Variants in CCN4 observed in about 807,000 individuals in gnomAD.
CCN4 encodes the protein CCN family member 4.
In CCN4, 30 loss-of-function variants were observed where a neutral mutation model predicts 36.7. The observed-to-expected ratio is 0.82, with a 90% CI of 0.61 to 1.11. CCN4 has a LOEUF of 1.11. Ranked by LOEUF, CCN4 falls within the 50% of genes least tolerant of loss-of-function variation. CCN4 has a pLI of 0.00. For synonymous variants in CCN4, 191 were observed against 195.4 expected (o/e 0.98, Z 0.19); for missense variants, 505 against 504.9 (o/e 1.00, Z 0.00).
chr8:133,210,991 C>T (rs1310096624), intron 1 of CCN4, among the ~76,000 whole-genome samples: 2 of 152,288 alleles, frequency 1.3e-5, no homozygotes, highest in East Asian at 3.9e-4. Context: ...GAGATGAAAG[C>T]TTCAAGTCGG....
chr8:133,195,201 GTGTGTATGGTGTGTGTA>G (rs1853333101), intron 1 of CCN4, among the ~76,000 whole-genome samples: 3 of 148,494 alleles, frequency 2.0e-5, no homozygotes, highest in African/African-American at 5.0e-5. Flanking sequence ...TGTGTGTGGT[GTGTGTATGGTGTGTGTA>G]TGTGTGTGGT....
chr8:133,197,848 G>A lies in CCN4; in HGVS notation c.69+6635G>A, dbSNP rs1014339316. Among the ~76,000 whole-genome samples, 4 of 152,152 alleles carry A rather than the reference G, an allele frequency of 2.6e-5. No individual in the cohort carries two copies. The East Asian group carries it at 7.7e-4, about 29-fold the overall frequency. On this transcript the variant is annotated intron_variant, in intron 1 of 4. Transcript: ENST00000250160. ...CTCTAGGAATCCTGCTCTGAGTCTGGGAGTGGAGAAAGGCATGTGTGCTAT... is the reference window on the plus strand; with the variant it reads ...CTCTAGGAATCCTGCTCTGAGTCTGAGAGTGGAGAAAGGCATGTGTGCTAT...
chr8:133,216,052 A>G (rs1854310523), intron 2 of CCN4, among the ~76,000 whole-genome samples: 1 of 152,128 alleles, frequency 6.6e-6, no homozygotes, highest in African/African-American at 2.4e-5. Context: ...ATGTGCCCAC[A>G]CATGCACAAA....
rs1488941482 is a variant in CCN4 at position 133,228,372 on chromosome 8, G to C, written c.*662G>C. On this transcript the variant is annotated 3_prime_UTR_variant, in exon 5 of 5. Coordinates refer to ENST00000250160, the MANE Select transcript of CCN4 (RefSeq NM_003882.4). ...AAGGGTACAGATTAGGTTTGTCCCA[G>C]TCAGAAATAAAATTTGATAAACATT... The C allele has an allele frequency of 6.6e-6, 1 of 152,230 alleles. No homozygotes were observed. The highest frequency in any genetic ancestry group is 1.5e-5 in the Non-Finnish European group (1 of 68,050). The allele number at this position is 152,230 out of a possible 1,614,324, so 9.4% of individuals were successfully genotyped here.
rs376294425 is a variant in CCN4 at position 133,194,550 on chromosome 8, G to A, written c.69+3337G>A. 1.3e-4 allele frequency among the ~76,000 whole-genome samples: 12 copies of A among 93,252 alleles called. No homozygotes were observed. In the East Asian group the frequency reaches 4.7e-3, roughly 36 times the overall value. 61.2% of individuals were successfully genotyped at this position (93,252 alleles called of 152,430 possible). ...GGGGTGTGTGTGGTGTGTATGTGGT[G>A]TGTGTGGGGGGGTGGTGGTATGGAG... On this transcript the variant is annotated intron_variant, in intron 1 of 4. Coordinates refer to ENST00000250160, the MANE Select transcript of CCN4 (RefSeq NM_003882.4).
chr8:133,215,401 C>CTT (rs1854283303), intron 2 of CCN4, among the ~76,000 whole-genome samples: 1 of 152,186 alleles, frequency 6.6e-6, no homozygotes, highest in Admixed American at 6.5e-5. Context: ...GAGCTTGTCT[C>CTT]ATAATTTATT....
rs78133559 is a variant in CCN4 at position 133,198,993 on chromosome 8, C to A, written c.69+7780C>A. Among the ~76,000 whole-genome samples, 1,009 of 152,348 alleles carry A rather than the reference C, an allele frequency of 6.6e-3. 9 individuals are homozygous for A. The highest frequency in any genetic ancestry group is 0.023 in the African/African-American group (967 of 41,578). On this transcript the variant is annotated intron_variant, in intron 1 of 4. Coordinates refer to ENST00000250160, the MANE Select transcript of CCN4 (RefSeq NM_003882.4). Reference sequence around the variant, plus strand: ...TGATAGGATGAATTAAAGCAAGAACCAGACCTGGCATAGGCTGGGGAGAAT... The same window carrying A: ...TGATAGGATGAATTAAAGCAAGAACAAGACCTGGCATAGGCTGGGGAGAAT...
rs1273210714 is a variant in CCN4 at position 133,229,891 on chromosome 8, TC to T, written c.*2183del. The T allele has an allele frequency of 2.0e-5, 3 of 152,234 alleles. No individual in the cohort carries two copies. Among genetic ancestry groups the T allele is most frequent in the African/African-American group, 7.2e-5 (3 of 41,468 alleles). The allele number at this position is 152,234 out of a possible 1,614,324, so 9.4% of individuals were successfully genotyped here. Reference sequence around the variant, plus strand: ...GAATTCTTGTATAAAGAGAATTCACTCCATGAATGATCTCTTCTGTAAGTCA... The same window carrying T: ...GAATTCTTGTATAAAGAGAATTCACTCATGAATGATCTCTTCTGTAAGTCA... On this transcript the variant is annotated 3_prime_UTR_variant, in exon 5 of 5. Coordinates refer to ENST00000250160, the MANE Select transcript of CCN4 (RefSeq NM_003882.4).
chr8:133,222,780 G>A (rs953798998), intron 3 of CCN4, among the ~76,000 whole-genome samples: 24 of 151,006 alleles, frequency 1.6e-4, no homozygotes, highest in African/African-American at 5.4e-4. Flanking sequence ...AATAGAGTGG[G>A]AGTTCTAAGA....
At chr8:133,225,837 C>G (rs1300249072) in intron 4 of CCN4, among the ~76,000 whole-genome samples, 2 of 152,126 alleles carry the variant, frequency 1.3e-5, no homozygotes, top group African/African-American at 4.8e-5. Context: ...CTCAGAGACC[C>G]TCAGGAGTGG....
chr8:133,209,721 A>C (rs547647465), intron 1 of CCN4, among the ~76,000 whole-genome samples: 8 of 152,100 alleles, frequency 5.3e-5, no homozygotes, highest in Non-Finnish European at 1.2e-4. Flanking sequence ...CAGATCCCCA[A>C]CTCTGTTCTG....
intron 1 of CCN4, among the ~76,000 whole-genome samples, chr8:133,199,098 A>G (rs1374091295): frequency 6.6e-6 from 1 of 152,152 alleles, no homozygotes; most frequent in African/African-American, 2.4e-5. Flanking sequence ...TGGGGAGGAA[A>G]AGGAGGGAAT....
intron 1 of CCN4, among the ~76,000 whole-genome samples, chr8:133,201,271 G>T (rs1033378032): frequency 2.0e-5 from 3 of 152,152 alleles, no homozygotes; most frequent in Non-Finnish European, 4.4e-5. Context: ...ACAGCAGCCT[G>T]CCTCTTAGGA....
At chr8:133,217,173 T>C (rs1268552760) in intron 2 of CCN4, among the ~76,000 whole-genome samples, 1 of 152,274 alleles carries the variant, frequency 6.6e-6, no homozygotes, top group African/African-American at 2.4e-5. Context: ...GCCTGCTACA[T>C]GGCAGGAGCT....
intron 1 of CCN4, among the ~76,000 whole-genome samples, chr8:133,197,078 G>T (rs1489925095): frequency 6.6e-6 from 1 of 152,102 alleles, no homozygotes; most frequent in African/African-American, 2.4e-5. Flanking sequence ...AAGAAATGAT[G>T]ATGATGATGA....
chr8:133,191,118 C>A lies in CCN4; in HGVS notation c.-27C>A. The A allele has an allele frequency of 6.2e-7, 1 of 1,604,210 alleles. No homozygotes were observed. On this transcript the variant is annotated 5_prime_UTR_variant, in exon 1 of 5. Transcript: ENST00000250160. ...GGTCGGATCCTCTGGGCTGCTCGGTCGATGCCTGTGCCACTGACGTCCAGG... is the reference window on the plus strand; with the variant it reads ...GGTCGGATCCTCTGGGCTGCTCGGTAGATGCCTGTGCCACTGACGTCCAGG...
chr8:133,194,585 G>C (rs1173668352), intron 1 of CCN4, among the ~76,000 whole-genome samples: 2 of 120,538 alleles, frequency 1.7e-5, no homozygotes, highest in Non-Finnish European at 3.5e-5. Context: ...GGGGTGTGTG[G>C]GGTGTGTGGG....
At chr8:133,211,226 T>G (rs1246771962) in intron 1 of CCN4, among the ~76,000 whole-genome samples, 2 of 152,216 alleles carry the variant, frequency 1.3e-5, no homozygotes, top group African/African-American at 4.8e-5. Context: ...TGCCCAGCAC[T>G]TTGCGTAGTA....
intron 2 of CCN4, among the ~76,000 whole-genome samples, chr8:133,213,644 T>G (rs145156479): frequency 0.018 from 2,662 of 150,128 alleles, 74 homozygotes; most frequent in African/African-American, 0.062. Context: ...CTTCAGTCAC[T>G]TAAATTTTCT....
Sources: allele counts gnomAD v4.1 joint callset (sites outside exome capture counted in the v4.1 genomes callset), GRCh38; gene constraint gnomAD v4.1.1; transcripts MANE v1.5; gene names NCBI Gene and HGNC (gene_info 2026-07-23, HGNC 2026-07-21).